Variants in H4C4 observed in about 807,000 individuals in gnomAD.
H4C4 encodes histone H4.
H4C4 carries 8 observed loss-of-function variants against 4.4 expected under a neutral mutation model. The observed-to-expected ratio is 1.81, with a 90% CI of 1.06 to 3.27. The LOEUF (loss-of-function observed/expected upper bound fraction) is 3.27. H4C4 is among the 30% of genes most tolerant of loss of function. The probability of loss-of-function intolerance (pLI) is 0.00; values close to 1 mark genes in which losing one functional copy is unlikely to be tolerated. For synonymous variants in H4C4, 130 were observed against 59.4 expected (o/e 2.19, Z -5.46); for missense variants, 223 against 148.9 (o/e 1.50, Z -2.59).
In H4C4 at chr6:26,189,053, T is replaced by C. The variant is rs769708257; in HGVS notation, c.24A>G (p.Gly8=). 8.2e-6 allele frequency: 13 copies of C among 1,592,776 alleles called. No individual in the cohort carries two copies. The highest frequency in any genetic ancestry group is 1.7e-4 in the Middle Eastern group (1 of 5,986). MSGRGKG[G]KGLGKGGAKR... ...TGGCGCCACCCTTACCTAGACCCTT[T>C]CCGCCCTTACCGCGGCCAGACATCT... Residue 8 remains glycine (G), a synonymous_variant, in exon 1 of 1, where the codon GGA becomes GGG. Transcript: ENST00000614247.
Position 26,188,973 on chromosome 6 carries a change from A to C in H4C4, c.104T>G (p.Ile35Ser), listed in dbSNP as rs569549632. ...GCCGCCGCGGCGAGCCAGGCGGCGG[A>C]TAGCGGGCTTGGTGATTCCTTGGAT... ...DNIQGITKPA[I>S]RRLARRGGVK... The change falls in exon 1 of 1, where the codon ATC becomes AGC. Residue 35 changes from isoleucine to serine, a missense_variant. Transcript: ENST00000614247. The C allele has an allele frequency of 6.2e-7, 1 of 1,614,202 alleles. No homozygotes were observed. The highest frequency in any genetic ancestry group is 1.1e-5 in the South Asian group (1 of 91,090).
Position 26,189,107 on chromosome 6 carries a change from C to T in H4C4, c.-31G>A. The T allele has an allele frequency of 2.6e-6, 4 of 1,540,034 alleles. No homozygotes were observed. Among genetic ancestry groups the T allele is most frequent in the East Asian group, 2.3e-5 (1 of 44,110 alleles). On this transcript the variant is annotated 5_prime_UTR_variant, in exon 1 of 1. Transcript: ENST00000614247. Reference sequence around the variant, plus strand: ...AACCACAGCTGTTAAATCTGTAACGCAATACGTCTGGCAGAGCCACGCAGC... The same window carrying T: ...AACCACAGCTGTTAAATCTGTAACGTAATACGTCTGGCAGAGCCACGCAGC...
In H4C4 at chr6:26,189,053, TCCGCCCTTA is replaced by T. The variant is rs1561977798; in HGVS notation, c.15_23del (p.Gly8_Gly10del). 5 of 1,592,894 alleles carry T rather than the reference TCCGCCCTTA, an allele frequency of 3.1e-6. No individual in the cohort carries two copies. The highest frequency in any genetic ancestry group is 3.5e-5 in the Admixed American group (2 of 57,044). On this transcript the variant is annotated inframe_deletion, in exon 1 of 1. Coordinates refer to ENST00000614247, the MANE Select transcript of H4C4 (RefSeq NM_003539.4). ...TGGCGCCACCCTTACCTAGACCCTT[TCCGCCCTTA>T]CCGCGGCCAGACATCTTGAAACCAC...
rs141140958 is a variant in H4C4 at position 26,189,079 on chromosome 6, T to G, written c.-3A>C. ...CCGCCCTTACCGCGGCCAGACATCT[T>G]GAAACCACAGCTGTTAAATCTGTAA... is the stretch of plus-strand genomic sequence containing the variant. On this transcript the variant is annotated 5_prime_UTR_variant, in exon 1 of 1. Transcript: ENST00000614247. 2.5e-5 allele frequency: 39 copies of G among 1,579,530 alleles called. No homozygotes were observed. The highest frequency in any genetic ancestry group is 1.7e-4 in the Middle Eastern group (1 of 5,868).
Position 26,188,757 on chromosome 6 carries a change from A to C in H4C4, c.*8T>G. 6.2e-7 allele frequency: 1 copy of C among 1,613,976 alleles called. No individual in the cohort carries two copies. Among genetic ancestry groups the C allele is most frequent in the Non-Finnish European group, 8.5e-7 (1 of 1,179,940 alleles). ...TTGGTTTTGCGGTAGTGTACTGTAGAGGTAAGCTCAGCCGCCGAAGCCATA... is the reference window on the plus strand; with the variant it reads ...TTGGTTTTGCGGTAGTGTACTGTAGCGGTAAGCTCAGCCGCCGAAGCCATA... On this transcript the variant is annotated 3_prime_UTR_variant, in exon 1 of 1. Transcript: ENST00000614247.
rs754242447 is a variant in H4C4, at chr6:26,189,042, C to G, written c.35G>C (p.Gly12Ala). 6.2e-7 allele frequency: 1 copy of G among 1,601,274 alleles called. No homozygotes were observed. The highest frequency in any genetic ancestry group is 1.7e-4 in the Middle Eastern group (1 of 6,004). ...ACGGTGACGCTTGGCGCCACCCTTA[C>G]CTAGACCCTTTCCGCCCTTACCGCG... ...SGRGKGGKGL[G>A]KGGAKRHRKV... is the part of the protein sequence containing the mutation. The change falls in exon 1 of 1, where the codon GGT (glycine) becomes GCT (alanine). Residue 12 changes from glycine to alanine, a missense_variant. Transcript: ENST00000614247.
chr6:26,188,779 CAT>C lies in H4C4; in HGVS notation c.296_297del (p.Tyr99TrpfsTer?), dbSNP rs769790720. On this transcript the variant is annotated frameshift_variant, in exon 1 of 1. Transcript: ENST00000614247. LOFTEE classifies it high-confidence loss of function. The part of the protein sequence containing the change: ...YALKRQGRTL[Y>X]GFGG ...TAGAGGTAAGCTCAGCCGCCGAAGC[CAT>C]AAAGAGTGCGTCCCTGGCGCTTGAG... 7 of 1,614,228 alleles carry C rather than the reference CAT, an allele frequency of 4.3e-6. No homozygotes were observed. Among genetic ancestry groups the C allele is most frequent in the Non-Finnish European group, 5.9e-6 (7 of 1,180,044 alleles).
Position 26,188,889 on chromosome 6 carries a change from A to T in H4C4, c.188T>A (p.Leu63Gln), listed in dbSNP as rs753696049. Residue 63 changes from leucine to glutamine, a missense_variant, in exon 1 of 1, where the codon CTG becomes CAG. Leu to Gln is a moderately radical substitution (Grantham distance 113). Coordinates refer to ENST00000614247, the MANE Select transcript of H4C4 (RefSeq NM_003539.4). ...GACAGCATCGCGGATTACATTTTCC[A>T]GGAAAACTTTCAGCACTCCGCGAGT... ...EETRGVLKVF[L>Q]ENVIRDAVTY... 8 of 1,614,082 alleles carry T rather than the reference A, an allele frequency of 5.0e-6. No homozygotes were observed. In the African/African-American group the frequency reaches 1.1e-4, roughly 22 times the overall value.
rs151274627 is a variant in H4C4 at position 26,189,056 on chromosome 6, G to C, written c.21C>G (p.Gly7=). The change falls in exon 1 of 1, where the codon GGC becomes GGG. Residue 7 remains glycine, a synonymous_variant. Coordinates refer to ENST00000614247, the MANE Select transcript of H4C4 (RefSeq NM_003539.4). MSGRGK[G]GKGLGKGGAK... Reference sequence around the variant, plus strand: ...CGCCACCCTTACCTAGACCCTTTCCGCCCTTACCGCGGCCAGACATCTTGA... The same window carrying C: ...CGCCACCCTTACCTAGACCCTTTCCCCCCTTACCGCGGCCAGACATCTTGA... 2 of 1,589,928 alleles carry C rather than the reference G, an allele frequency of 1.3e-6. No homozygotes were observed. Among genetic ancestry groups the C allele is most frequent in the East Asian group, 2.3e-5 (1 of 44,390 alleles).
Position 26,189,084 on chromosome 6 carries a change from C to T in H4C4, c.-8G>A, listed in dbSNP as rs79868973. The T allele has an allele frequency of 1.9e-6, 3 of 1,574,492 alleles. No individual in the cohort carries two copies. Among genetic ancestry groups the T allele is most frequent in the South Asian group, 1.1e-5 (1 of 87,124 alleles). On this transcript the variant is annotated 5_prime_UTR_variant, in exon 1 of 1. Transcript: ENST00000614247. ...CTTACCGCGGCCAGACATCTTGAAA[C>T]CACAGCTGTTAAATCTGTAACGCAA...
rs150838709 is a variant in H4C4, at chr6:26,189,032, G to C, written c.45C>G (p.Gly15=). The part of the protein sequence containing the change: ...GKGGKGLGKG[G]AKRHRKVLRD... ...GCAATACCTTACGGTGACGCTTGGCGCCACCCTTACCTAGACCCTTTCCGC... is the reference window on the plus strand; with the variant it reads ...GCAATACCTTACGGTGACGCTTGGCCCCACCCTTACCTAGACCCTTTCCGC... The change falls in exon 1 of 1, where the codon GGC becomes GGG. Residue 15 remains glycine, a synonymous_variant. Transcript: ENST00000614247. 1.8e-5 allele frequency: 29 copies of C among 1,610,898 alleles called. No individual in the cohort carries two copies. In the East Asian group the frequency reaches 3.3e-4, roughly 19 times the overall value.
rs752846007 is a variant in H4C4 at position 26,188,934 on chromosome 6, G to C, written c.143C>G (p.Ser48Cys). 6.2e-7 allele frequency: 1 copy of C among 1,614,100 alleles called. No homozygotes were observed. Among genetic ancestry groups the C allele is most frequent in the African/African-American group, 1.3e-5 (1 of 74,940 alleles). ...LARRGGVKRI[S>C]GLIYEETRGV... ...GCGAGTTTCCTCATAAATGAGGCCA[G>C]AAATACGCTTGACGCCGCCGCGGCG... The change falls in exon 1 of 1, where the codon TCT becomes TGT. Residue 48 changes from serine to cysteine, a missense_variant. Physicochemically the swap from Ser to Cys is moderately radical, Grantham distance 112. Transcript: ENST00000614247.
Position 26,188,785 on chromosome 6 carries a change from G to A in H4C4, c.292C>T (p.Leu98Phe), listed in dbSNP as rs752226419. ...VYALKRQGRT[L>F]YGFGG Reference sequence around the variant, plus strand: ...TAAGCTCAGCCGCCGAAGCCATAAAGAGTGCGTCCCTGGCGCTTGAGCGCG... The same window carrying A: ...TAAGCTCAGCCGCCGAAGCCATAAAAAGTGCGTCCCTGGCGCTTGAGCGCG... The change falls in exon 1 of 1, where the codon CTT (leucine) becomes TTT (phenylalanine). Residue 98 changes from leucine (L) to phenylalanine (F), a missense_variant. By Grantham distance (22) the Leu-to-Phe change is conservative. Coordinates refer to ENST00000614247, the MANE Select transcript of H4C4 (RefSeq NM_003539.4). The A allele has an allele frequency of 1.9e-6, 3 of 1,614,258 alleles. No individual in the cohort carries two copies. The highest frequency in any genetic ancestry group is 2.5e-6 in the Non-Finnish European group (3 of 1,180,032).
rs1271348430 is a variant in H4C4 at position 26,188,958 on chromosome 6, CGAGCCAGGCGGCGGA to C, written c.104_118del (p.Ile35_Arg40delinsSer). 1 of 1,614,160 alleles carries C rather than the reference CGAGCCAGGCGGCGGA, an allele frequency of 6.2e-7. No individual in the cohort carries two copies. ...AGAAATACGCTTGACGCCGCCGCGG[CGAGCCAGGCGGCGGA>C]TAGCGGGCTTGGTGATTCCTTGGAT... On this transcript the variant is annotated inframe_deletion, in exon 1 of 1. Transcript: ENST00000614247.
rs1234951596 is a variant in H4C4, at chr6:26,189,064, C to A, written c.13G>T (p.Gly5Cys). 3.8e-6 allele frequency: 6 copies of A among 1,586,012 alleles called. No homozygotes were observed. Among genetic ancestry groups the A allele is most frequent in the South Asian group, 1.1e-5 (1 of 89,308 alleles). Residue 5 changes from glycine (G) to cysteine (C), a missense_variant, in exon 1 of 1, where the codon GGT (glycine) becomes TGT (cysteine). Coordinates refer to ENST00000614247, the MANE Select transcript of H4C4 (RefSeq NM_003539.4). ...TTACCTAGACCCTTTCCGCCCTTACCGCGGCCAGACATCTTGAAACCACAG... is the reference window on the plus strand; with the variant it reads ...TTACCTAGACCCTTTCCGCCCTTACAGCGGCCAGACATCTTGAAACCACAG... MSGRGKGGKGLGKGG... is the reference protein window; with the variant it reads MSGRCKGGKGLGKGG...
At position 26,189,106 on chromosome 6, in the gene H4C4, G is replaced by T. The variant is rs143468197; in HGVS notation, c.-30C>A. 22 of 1,539,170 alleles carry T rather than the reference G, an allele frequency of 1.4e-5. No individual in the cohort carries two copies. The highest frequency in any genetic ancestry group is 1.8e-5 in the Non-Finnish European group (21 of 1,140,392). ...AAACCACAGCTGTTAAATCTGTAAC[G>T]CAATACGTCTGGCAGAGCCACGCAG... On this transcript the variant is annotated 5_prime_UTR_variant, in exon 1 of 1. Transcript: ENST00000614247.
Position 26,188,789 on chromosome 6 carries a change from GCGTCCCTGGCGCTTGAGCGCGTACACCA to G in H4C4, c.260_287del (p.Val87AlafsTer?). ...CTCAGCCGCCGAAGCCATAAAGAGTGCGTCCCTGGCGCTTGAGCGCGTACACCACGTCCATGGCTGTGACTGTCTTGCG... is the reference window on the plus strand; with the variant it reads ...CTCAGCCGCCGAAGCCATAAAGAGTGCGTCCATGGCTGTGACTGTCTTGCG... On this transcript the variant is annotated frameshift_variant, in exon 1 of 1. Coordinates refer to ENST00000614247, the MANE Select transcript of H4C4 (RefSeq NM_003539.4). LOFTEE classifies it high-confidence loss of function. 1 of 1,614,246 alleles carries G rather than the reference GCGTCCCTGGCGCTTGAGCGCGTACACCA, an allele frequency of 6.2e-7. No homozygotes were observed. The highest frequency in any genetic ancestry group is 8.5e-7 in the Non-Finnish European group (1 of 1,180,044).
chr6:26,189,045 A>C lies in H4C4; in HGVS notation c.32T>G (p.Leu11Arg). 1 of 1,601,420 alleles carries C rather than the reference A, an allele frequency of 6.2e-7. No homozygotes were observed. The highest frequency in any genetic ancestry group is 8.5e-7 in the Non-Finnish European group (1 of 1,171,240). MSGRGKGGKG[L>R]GKGGAKRHRK... ...GTGACGCTTGGCGCCACCCTTACCTAGACCCTTTCCGCCCTTACCGCGGCC... is the reference window on the plus strand; with the variant it reads ...GTGACGCTTGGCGCCACCCTTACCTCGACCCTTTCCGCCCTTACCGCGGCC... Residue 11 changes from leucine to arginine, a missense_variant, in exon 1 of 1, where the codon CTA (leucine) becomes CGA (arginine). By Grantham distance (102) the Leu-to-Arg change is moderately radical. Transcript: ENST00000614247.
chr6:26,189,012 A>G lies in H4C4; in HGVS notation c.65T>C (p.Val22Ala), dbSNP rs776014318. Reference protein sequence around the residue: ...GKGGAKRHRKVLRDNIQGITK... With the variant: ...GKGGAKRHRKALRDNIQGITK... ...GATTCCTTGGATATTGTCACGCAATACCTTACGGTGACGCTTGGCGCCACC... is the reference window on the plus strand; with the variant it reads ...GATTCCTTGGATATTGTCACGCAATGCCTTACGGTGACGCTTGGCGCCACC... The change falls in exon 1 of 1, where the codon GTA (valine) becomes GCA (alanine). Residue 22 changes from valine to alanine, a missense_variant. Physicochemically the swap from Val to Ala is moderately conservative, Grantham distance 64. Coordinates refer to ENST00000614247, the MANE Select transcript of H4C4 (RefSeq NM_003539.4). 1.2e-6 allele frequency: 2 copies of G among 1,612,498 alleles called. No individual in the cohort carries two copies. The highest frequency in any genetic ancestry group is 1.7e-6 in the Non-Finnish European group (2 of 1,178,912).
Sources: allele counts gnomAD v4.1 joint callset, GRCh38; gene constraint gnomAD v4.1.1; transcripts MANE v1.5; gene names NCBI Gene and HGNC (gene_info 2026-07-23, HGNC 2026-07-21).